Variants in IQCH observed in about 807,000 individuals in gnomAD.
The protein encoded by IQCH is IQ domain-containing protein H.
Under a neutral mutation model 117.0 loss-of-function variants are expected in IQCH, and 98 were observed. That is an observed-to-expected ratio of 0.84 (90% CI 0.71 to 0.99). The LOEUF is 0.99. Ranked by LOEUF, IQCH falls within the 50% of genes least tolerant of loss-of-function variation. IQCH has a pLI of 0.00. For synonymous variants in IQCH, 412 were observed against 448.2 expected (o/e 0.92, Z 1.02); for missense variants, 1,102 against 1,243.8 (o/e 0.89, Z 1.72).
intron 19 of IQCH, among the ~76,000 whole-genome samples, chr15:67,492,095 G>A (rs769256514): frequency 2.0e-5 from 3 of 152,100 alleles, no homozygotes; most frequent in Non-Finnish European, 2.9e-5. Context: ...ATAGGCCACC[G>A]GGAATTACCG....
rs770683209 is a variant in IQCH at position 67,421,324 on chromosome 15, A to G, written c.2252A>G (p.Asn751Ser). Residue 751 changes from asparagine to serine, a missense_variant, in exon 16 of 21, where the codon AAT (asparagine) becomes AGT (serine). Asn to Ser is a conservative substitution (Grantham distance 46). Coordinates refer to ENST00000335894, the MANE Select transcript of IQCH (RefSeq NM_001031715.3). ...GVIEAFPPAD[N>S]VTNLTVDMLI... ...ATCGAAGCATTCCCACCTGCAGACA[A>G]TGTCACCAACCTCACAGTGGACATG... 1.2e-6 allele frequency: 2 copies of G among 1,614,040 alleles called. No homozygotes were observed. Among genetic ancestry groups the G allele is most frequent in the East Asian group, 2.2e-5 (1 of 44,884 alleles).
chr15:67,446,335 A>G (rs935394324), intron 16 of IQCH, among the ~76,000 whole-genome samples: 1 of 152,268 alleles, frequency 6.6e-6, no homozygotes, highest in African/African-American at 2.4e-5. Flanking sequence ...CTTATCTGCC[A>G]TGACTCAATA....
intron 4 of IQCH, among the ~76,000 whole-genome samples, chr15:67,281,003 G>A (rs773723054): frequency 2.6e-5 from 4 of 151,900 alleles, no homozygotes; most frequent in Admixed American, 6.6e-5. Flanking sequence ...CCACCACCAC[G>A]CCCGGCTAAT....
In IQCH at chr15:67,381,558, C is replaced by G. The variant is rs1970929450; in HGVS notation, c.1373-3378C>G. Among the ~76,000 whole-genome samples the G allele has an allele frequency of 6.6e-6, 1 of 152,026 alleles. No individual in the cohort carries two copies. The highest frequency in any genetic ancestry group is 6.6e-5 in the Admixed American group (1 of 15,254). On this transcript the variant is annotated intron_variant, in intron 10 of 20. Coordinates refer to ENST00000335894, the MANE Select transcript of IQCH (RefSeq NM_001031715.3). The surrounding 1 kb of genome is among the most constrained non-coding windows in gnomAD (Gnocchi z 5.1). ...TTGTATTGTTCTGTGCTAATGAGGACCTGGAAAAAGCTACAAATCCCACTT... is the reference window on the plus strand; with the variant it reads ...TTGTATTGTTCTGTGCTAATGAGGAGCTGGAAAAAGCTACAAATCCCACTT...
chr15:67,420,812 T>C (rs2081717824), intron 15 of IQCH, among the ~76,000 whole-genome samples: 1 of 152,248 alleles, frequency 6.6e-6, no homozygotes, highest in Non-Finnish European at 1.5e-5. Flanking sequence ...TTGGCTGACA[T>C]GATGGTCAAT....
chr15:67,494,868 T>G lies in IQCH; in HGVS notation c.2970+502T>G, dbSNP rs2083763820. 6.6e-6 allele frequency among the ~76,000 whole-genome samples: 1 copy of G among 152,146 alleles called. No individual in the cohort carries two copies. The stretch of plus-strand genomic sequence containing the variant: ...ATCTACCCCACCCGTTTCTCCACCG[T>G]GGGTTGGATTATTTCACTACTAACC... On this transcript the variant is annotated intron_variant, in intron 20 of 20. Coordinates refer to ENST00000335894, the MANE Select transcript of IQCH (RefSeq NM_001031715.3). This position sits in a 1 kb window ranked among gnomAD's most constrained non-coding sequence, Gnocchi z 5.5.
At position 67,421,333 on chromosome 15, in the gene IQCH, A is replaced by G; in HGVS notation, c.2261A>G (p.Asn754Ser). 1 of 1,614,132 alleles carries G rather than the reference A, an allele frequency of 6.2e-7. No homozygotes were observed. The highest frequency in any genetic ancestry group is 8.5e-7 in the Non-Finnish European group (1 of 1,180,002). ...TTCCCACCTGCAGACAATGTCACCA[A>G]CCTCACAGTGGACATGCTGATAGAG... ...EAFPPADNVT[N>S]LTVDMLIEPN... The change falls in exon 16 of 21, where the codon AAC becomes AGC. Residue 754 changes from asparagine to serine, a missense_variant. Asn to Ser is a conservative substitution (Grantham distance 46). Coordinates refer to ENST00000335894, the MANE Select transcript of IQCH (RefSeq NM_001031715.3).
intron 18 of IQCH, among the ~76,000 whole-genome samples, chr15:67,480,054 G>C (rs540959642): frequency 7.2e-5 from 11 of 152,308 alleles, no homozygotes; most frequent in Admixed American, 2.0e-4. Flanking sequence ...TATGGAGAAA[G>C]GCGTCATGTT....
intron 6 of IQCH, among the ~76,000 whole-genome samples, chr15:67,345,772 A>G (rs1969360271): frequency 6.6e-6 from 1 of 152,236 alleles, no homozygotes; most frequent in Non-Finnish European, 1.5e-5. Flanking sequence ...TGGAACAGTA[A>G]GAAGACAAGA....
intron 4 of IQCH, chr15:67,304,267 T>C (rs997811249): frequency 2.8e-6 from 2 of 715,106 alleles, no homozygotes; most frequent in Non-Finnish European, 4.6e-6. Flanking sequence ...TTTAAACTCC[T>C]TTGAGGATAT....
chr15:67,421,687 T>G, intron 16 of IQCH, 110 bp downstream of exon 16: 1 of 1,099,668 alleles, frequency 9.1e-7, no homozygotes, highest in South Asian at 1.5e-5. Context: ...GCACTGATTC[T>G]CTGATGAACT....
chr15:67,326,444 T>A (rs1172544120), intron 4 of IQCH, among the ~76,000 whole-genome samples: 1 of 152,216 alleles, frequency 6.6e-6, no homozygotes, highest in Non-Finnish European at 1.5e-5. Context: ...CATGTGTCTT[T>A]ATAGCAGCAT....
chr15:67,363,050 G>C (rs1970201589), intron 8 of IQCH, among the ~76,000 whole-genome samples: 1 of 152,120 alleles, frequency 6.6e-6, no homozygotes, highest in South Asian at 2.1e-4. Flanking sequence ...CTGCAACCTG[G>C]AGATACAAAA....
intron 16 of IQCH, among the ~76,000 whole-genome samples, chr15:67,455,449 A>AT (rs965639723): frequency 6.6e-6 from 1 of 152,224 alleles, no homozygotes; most frequent in African/African-American, 2.4e-5. Flanking sequence ...CAGACAGTCC[A>AT]TATTTCTTGC....
chr15:67,344,286 A>C (rs1969293967), intron 6 of IQCH, 95 bp downstream of exon 6: 2 of 1,070,468 alleles, frequency 1.9e-6, no homozygotes, highest in Admixed American at 2.4e-5. Flanking sequence ...TGTCCTCAAT[A>C]ATAGGACAAG....
intron 4 of IQCH, among the ~76,000 whole-genome samples, chr15:67,297,491 A>C (rs763407593): frequency 6.6e-6 from 1 of 152,154 alleles, no homozygotes; most frequent in Non-Finnish European, 1.5e-5. Flanking sequence ...AATAGACCCC[A>C]GTAGCATTTT....
rs1234850726 is a variant in IQCH at position 67,479,184 on chromosome 15, T to G, written c.2799+3366T>G. ...GGAGTGCCTACTGCGTACTGGCCTC[T>G]GAGCTGAGCACTTTACTTCATTATC... On this transcript the variant is annotated intron_variant, in intron 18 of 20. Coordinates refer to ENST00000335894, the MANE Select transcript of IQCH (RefSeq NM_001031715.3). The surrounding 1 kb of genome is among the most constrained non-coding windows in gnomAD (Gnocchi z 4.6). Among the ~76,000 whole-genome samples, 1 of 152,198 alleles carries G rather than the reference T, an allele frequency of 6.6e-6. No individual in the cohort carries two copies. The highest frequency in any genetic ancestry group is 1.5e-5 in the Non-Finnish European group (1 of 68,044).
At chr15:67,451,500 G>T (rs1029482573) in intron 16 of IQCH, among the ~76,000 whole-genome samples, 9 of 152,138 alleles carry the variant, frequency 5.9e-5, no homozygotes, top group Non-Finnish European at 1.3e-4. Context: ...TCATTCAGGA[G>T]CAGGTTGTTC....
intron 18 of IQCH, among the ~76,000 whole-genome samples, chr15:67,484,774 A>G (rs1567227148): frequency 6.6e-6 from 1 of 151,638 alleles, no homozygotes; most frequent in Non-Finnish European, 1.5e-5. Flanking sequence ...AATAAAATCA[A>G]CCCTTGATAT....
Sources: allele counts gnomAD v4.1 joint callset (sites outside exome capture counted in the v4.1 genomes callset), GRCh38; gene constraint gnomAD v4.1.1; non-coding constraint Gnocchi (gnomAD v3.1); transcripts MANE v1.5; gene names NCBI Gene and HGNC (gene_info 2026-07-23, HGNC 2026-07-21).